Variants in OTOA observed in about 807,000 individuals in gnomAD.
The protein encoded by OTOA is cancer/testis antigen 108.
Under a neutral mutation model 110.8 loss-of-function variants are expected in OTOA, and 70 were observed. The ratio of observed to expected loss-of-function variants is 0.63; its 90% confidence interval spans 0.52 to 0.77. The LOEUF (loss-of-function observed/expected upper bound fraction) is 0.77, where lower values mean the gene tolerates loss of function less well. OTOA is among the 30% of genes least tolerant of loss of function. The pLI is 0.00. For synonymous variants in OTOA, 373 were observed against 431.5 expected, an observed-to-expected ratio of 0.86 and a Z score of 1.68; for missense variants, 917 against 1,075.8, an observed-to-expected ratio of 0.85 and a Z score of 2.06.
intron 1 of OTOA, among the ~76,000 whole-genome samples, chr16:21,674,244 T>G (rs1966853162): frequency 6.6e-6 from 1 of 152,212 alleles, no homozygotes; most frequent in Non-Finnish European, 1.5e-5. Flanking sequence ...CACCTTATAT[T>G]CTCATCAGCA....
intron 28 of OTOA, among the ~76,000 whole-genome samples, chr16:21,758,684 G>A (rs1254949481): frequency 6.7e-6 from 1 of 150,080 alleles, no homozygotes; most frequent in East Asian, 2.0e-4. Flanking sequence ...GCCTTTTGAT[G>A]TATTATATTA....
chr16:21,721,273 AC>A (rs2141707616), intron 17 of OTOA: 2 of 452,298 alleles, frequency 4.4e-6, no homozygotes, highest in Non-Finnish European at 4.4e-6. Flanking sequence ...ACACACACAC[AC>A]ACACAAACAA....
At chr16:21,702,864 C>T (rs1259644413) in intron 11 of OTOA, among the ~76,000 whole-genome samples, 2 of 152,018 alleles carry the variant, frequency 1.3e-5, no homozygotes, top group Admixed American at 1.3e-4. Flanking sequence ...TTAGTAGAGA[C>T]GGGGTTTCAC....
chr16:21,691,564 C>G lies in OTOA; in HGVS notation c.636-20C>G. The G allele has an allele frequency of 6.3e-7, 1 of 1,596,222 alleles. No homozygotes were observed. The highest frequency in any genetic ancestry group is 8.6e-7 in the Non-Finnish European group (1 of 1,164,254). On this transcript the variant is annotated intron_variant, in intron 8 of 28. Transcript: ENST00000646100. Reference sequence around the variant, plus strand: ...CCCACCTGCTTGTTATTAGCTGATGCCTGTGTTTGTGTCATTTAGATCTGC... The same window carrying G: ...CCCACCTGCTTGTTATTAGCTGATGGCTGTGTTTGTGTCATTTAGATCTGC...
chr16:21,749,007 G>A (rs1406310073), intron 24 of OTOA: 6 of 145,604 alleles, frequency 4.1e-5, no homozygotes, highest in East Asian at 2.1e-4. Context: ...TAAGTGATGC[G>A]GAAAATGGAC....
intron 13 of OTOA, among the ~76,000 whole-genome samples, chr16:21,710,709 A>G (rs1898328698): frequency 6.6e-6 from 1 of 152,174 alleles, no homozygotes; most frequent in Admixed American, 6.5e-5. Flanking sequence ...TGTGGACAAC[A>G]ATAGCACTTA....
chr16:21,709,713 G>T (rs531537052), intron 12 of OTOA, among the ~76,000 whole-genome samples, 175 bp from the exon 13 acceptor site: 4 of 152,284 alleles, frequency 2.6e-5, no homozygotes, highest in South Asian at 4.1e-4. Context: ...TCCGTGTGGT[G>T]TCTCACTGTC....
rs537476213 is a variant in OTOA, at chr16:21,705,943, G to GA, written c.1104+663dup. On this transcript the variant is annotated intron_variant, in intron 12 of 28. Coordinates refer to ENST00000646100, the MANE Select transcript of OTOA (RefSeq NM_144672.4). ...GACAGAGTGAGACTCTGTCTCAAAAGAAAAAAAAAAAAGCCATGTGCCTAT... is the reference window on the plus strand; with the variant it reads ...GACAGAGTGAGACTCTGTCTCAAAAGAAAAAAAAAAAAAGCCATGTGCCTAT... Among the ~76,000 whole-genome samples, 201 of 137,988 alleles carry GA rather than the reference G, an allele frequency of 1.5e-3. No homozygotes were observed. The East Asian group carries it at 0.027, about 19-fold the overall frequency. The allele number at this position is 137,988 out of a possible 152,430, so 90.5% of individuals were successfully genotyped here.
chr16:21,719,093 G>C (rs1445690400), intron 15 of OTOA, 40 bp from the exon 16 acceptor site: 28 of 1,588,234 alleles, frequency 1.8e-5, no homozygotes, highest in African/African-American at 2.7e-5. Flanking sequence ...GGCACACGCT[G>C]AGTGTGCCAT....
intron 24 of OTOA, among the ~76,000 whole-genome samples, chr16:21,749,485 T>A (rs1806736595): frequency 6.8e-6 from 1 of 146,860 alleles, no homozygotes; most frequent in Non-Finnish European, 1.5e-5. Context: ...GCCAAGATCA[T>A]GTCACTGCAC....
intron 8 of OTOA, 22 bp from the exon 9 acceptor site, chr16:21,691,562 T>C (rs756083859): frequency 3.8e-6 from 6 of 1,593,438 alleles, no homozygotes; most frequent in Non-Finnish European, 5.2e-6. Flanking sequence ...TATTAGCTGA[T>C]GCCTGTGTTT....
At chr16:21,665,268 C>A (rs1208401181) in intron 1 of OTOA, among the ~76,000 whole-genome samples, 1 of 152,128 alleles carries the variant, frequency 6.6e-6, no homozygotes, top group East Asian at 1.9e-4. Context: ...TCTGGGTTTG[C>A]CACCTGGCTG....
At chr16:21,698,793 A>G (rs1897994010) in intron 10 of OTOA, among the ~76,000 whole-genome samples, 1 of 152,156 alleles carries the variant, frequency 6.6e-6, no homozygotes, top group Non-Finnish European at 1.5e-5. Context: ...CTCTCAATGT[A>G]GAGTTGCTTT....
chr16:21,680,271 T>C (rs1232473443), intron 5 of OTOA, among the ~76,000 whole-genome samples: 1 of 152,120 alleles, frequency 6.6e-6, no homozygotes, highest in Non-Finnish European at 1.5e-5. Flanking sequence ...TCCAGGACTT[T>C]GAGAGGCCAA....
At chr16:21,690,770 T>A (rs554255085) in intron 8 of OTOA, among the ~76,000 whole-genome samples, 29 of 152,180 alleles carry the variant, frequency 1.9e-4, no homozygotes, top group African/African-American at 6.7e-4. Flanking sequence ...ATCGCTACAC[T>A]GTCTTCCACA....
chr16:21,736,304 C>A lies in OTOA; in HGVS notation c.2345C>A (p.Thr782Asn). ...CAAGCAGCTTCCAAGATGGCCAGGACCCTGCCCACTAAAGAATTCCTCTGG... is the reference window on the plus strand; with the variant it reads ...CAAGCAGCTTCCAAGATGGCCAGGAACCTGCCCACTAAAGAATTCCTCTGG... ...LLQAASKMAR[T>N]LPTKEFLWAV... The change falls in exon 22 of 29, where the codon ACC (threonine) becomes AAC (asparagine). Residue 782 changes from threonine to asparagine, a missense_variant. Physicochemically the swap from Thr to Asn is moderately conservative, Grantham distance 65. Coordinates refer to ENST00000646100, the MANE Select transcript of OTOA (RefSeq NM_144672.4). The A allele has an allele frequency of 6.2e-7, 1 of 1,613,980 alleles. No individual in the cohort carries two copies. The highest frequency in any genetic ancestry group is 1.3e-5 in the African/African-American group (1 of 75,038).
intron 19 of OTOA, among the ~76,000 whole-genome samples, chr16:21,727,722 C>A (rs1470438158): frequency 6.6e-6 from 1 of 152,070 alleles, no homozygotes; most frequent in Non-Finnish European, 1.5e-5. Context: ...ACTGAGTGCT[C>A]CTGGTGTGCC....
chr16:21,678,442 ATG>A (rs200275083), intron 1 of OTOA, 67 bp from the exon 2 acceptor site: 575 of 922,884 alleles, frequency 6.2e-4, no homozygotes, highest in East Asian at 1.2e-3. Flanking sequence ...ATGTATATAT[ATG>A]TGTGTGTGTG....
At chr16:21,705,147 C>G in intron 11 of OTOA, 22 bp from the exon 12 acceptor site, 1 of 1,614,154 alleles carries the variant, frequency 6.2e-7, no homozygotes, top group Non-Finnish European at 8.5e-7. Flanking sequence ...CCTCCACCAC[C>G]ATCCCTCCTC....
Sources: gnomAD v4.1 joint callset for allele counts (sites outside exome capture counted in the v4.1 genomes callset) on GRCh38, gnomAD v4.1.1 for gene constraint, MANE v1.5 for transcripts, NCBI Gene and HGNC (gene_info 2026-07-23, HGNC 2026-07-21) for gene names.